The following PIK3C2G variants were observed in gnomAD, a reference collection of about 807,000 sequenced individuals.
PIK3C2G encodes phosphatidylinositol 3-kinase C2 domain-containing subunit gamma.
PIK3C2G carries 168 observed loss-of-function variants against 181.1 expected under a neutral mutation model. That is an observed-to-expected ratio of 0.93 (90% confidence interval 0.82 to 1.05). The LOEUF is 1.05. PIK3C2G is among the 50% of genes least tolerant of loss of function. The pLI is 0.00. For missense variants in PIK3C2G, 1,869 were observed against 1,732.8 expected (o/e 1.08, Z -1.40); for synonymous variants, 573 against 592.2 (o/e 0.97, Z 0.47).
intron 14 of PIK3C2G, among the ~76,000 whole-genome samples, chr12:18,389,670 A>T (rs1369470771): frequency 1.3e-5 from 2 of 152,214 alleles, no homozygotes; most frequent in African/African-American, 4.8e-5. Flanking sequence ...TAGAAAAGGC[A>T]ACTAGGAAAA....
Position 18,614,883 on chromosome 12 carries a change from T to C in PIK3C2G, c.4182+5254T>C, listed in dbSNP as rs113321164. On this transcript the variant is annotated intron_variant, in intron 31 of 32. Coordinates refer to ENST00000538779, the MANE Select transcript of PIK3C2G (RefSeq NM_001288772.2). Reference sequence around the variant, plus strand: ...TGCTTACCACTGAAACCATCTTTCATTCTGAATTACTTATTTCTATAAATT... The same window carrying C: ...TGCTTACCACTGAAACCATCTTTCACTCTGAATTACTTATTTCTATAAATT... Among the ~76,000 whole-genome samples the C allele has an allele frequency of 3.5e-3, 528 of 152,240 alleles. 1 individual carries two copies. Among genetic ancestry groups the C allele is most frequent in the African/African-American group, 0.011 (451 of 41,556 alleles).
intron 22 of PIK3C2G, among the ~76,000 whole-genome samples, chr12:18,498,567 A>AT (rs11390476): frequency 0.37 from 54,673 of 147,920 alleles, 9,884 homozygotes; most frequent in South Asian, 0.43. Context: ...CCATGTAGTC[A>AT]TTTTTTTTTT....
At chr12:18,407,320 A>G (rs1273488566) in intron 16 of PIK3C2G, among the ~76,000 whole-genome samples, 1 of 152,156 alleles carries the variant, frequency 6.6e-6, no homozygotes, top group African/African-American at 2.4e-5. Flanking sequence ...ATAATATTTT[A>G]TAATTGAAGG....
intron 5 of PIK3C2G, among the ~76,000 whole-genome samples, chr12:18,305,123 A>C (rs1020973250): frequency 3.9e-5 from 6 of 152,176 alleles, no homozygotes; most frequent in Non-Finnish European, 1.5e-5. Flanking sequence ...CATCTTCAGT[A>C]AATAGCTAAT....
At chr12:18,565,784 A>G (rs7296635) in intron 28 of PIK3C2G, among the ~76,000 whole-genome samples, 12,803 of 152,220 alleles carry the variant, frequency 0.084, 1,360 homozygotes, top group African/African-American at 0.25. Flanking sequence ...TATTAACAAA[A>G]TAGCAGAATT....
chr12:18,399,825 G>T lies in PIK3C2G; in HGVS notation c.2293G>T (p.Ala765Ser), dbSNP rs758616836. Residue 765 changes from alanine (A) to serine (S), a missense_variant, in exon 16 of 33, where the codon GCT becomes TCT. By Grantham distance (99) the Ala-to-Ser change is moderately conservative. Coordinates refer to ENST00000538779, the MANE Select transcript of PIK3C2G (RefSeq NM_001288772.2). ...ATGGACATTTTCTCAACCTTTAGAG[G>T]CTCTTGGGCTTTTGACTTCCAGGTA... ...RRWTFSQPLE[A>S]LGLLTSSFPD... 2.5e-6 allele frequency: 4 copies of T among 1,583,302 alleles called. No individual in the cohort carries two copies. Among genetic ancestry groups the T allele is most frequent in the African/African-American group, 2.7e-5 (2 of 74,406 alleles).
intron 26 of PIK3C2G, among the ~76,000 whole-genome samples, chr12:18,549,775 A>G (rs1014243241): frequency 1.3e-5 from 2 of 151,992 alleles, no homozygotes; most frequent in African/African-American, 4.8e-5. Context: ...TGCTATCTCT[A>G]TGCTACCACC....
At chr12:18,633,911 A>C (rs950371259) in intron 31 of PIK3C2G, among the ~76,000 whole-genome samples, 1 of 152,094 alleles carries the variant, frequency 6.6e-6, no homozygotes, top group Non-Finnish European at 1.5e-5. Flanking sequence ...GGAAACAAAA[A>C]TTTGCTTGTT....
chr12:18,417,277 C>G (rs904016328), intron 16 of PIK3C2G, among the ~76,000 whole-genome samples: 1 of 152,116 alleles, frequency 6.6e-6, no homozygotes, highest in Non-Finnish European at 1.5e-5. Context: ...ATAGAATTTA[C>G]TCCTGGTGAA....
At chr12:18,326,664 G>T (rs1415162702) in intron 8 of PIK3C2G, among the ~76,000 whole-genome samples, 3 of 152,226 alleles carry the variant, frequency 2.0e-5, no homozygotes, top group African/African-American at 4.8e-5. Flanking sequence ...AATGTGAAAA[G>T]AATCCACAAT....
Position 18,418,907 on chromosome 12 carries a change from T to C in PIK3C2G, c.2316-2034T>C, listed in dbSNP as rs188948817. On this transcript the variant is annotated intron_variant, in intron 16 of 32. Coordinates refer to ENST00000538779, the MANE Select transcript of PIK3C2G (RefSeq NM_001288772.2). ...AATTGATGCTTGAGCTTGGAGTTCA[T>C]GGATGAATAGAATTCCATCAGATGG... Among the ~76,000 whole-genome samples, 20 of 152,232 alleles carry C rather than the reference T, an allele frequency of 1.3e-4. 1 individual carries two copies. Among genetic ancestry groups the C allele is most frequent in the South Asian group, 8.3e-4 (4 of 4,816 alleles).
At chr12:18,469,740 G>A (rs1938267879) in intron 18 of PIK3C2G, among the ~76,000 whole-genome samples, 1 of 147,378 alleles carries the variant, frequency 6.8e-6, no homozygotes, top group Non-Finnish European at 1.5e-5. Flanking sequence ...CTCCACAAAA[G>A]ATGAATGTAT....
At chr12:18,529,391 G>A (rs115699411) in intron 24 of PIK3C2G, among the ~76,000 whole-genome samples, 1,676 of 152,158 alleles carry the variant, frequency 0.011, 34 homozygotes, top group African/African-American at 0.038. Context: ...TTAAGCTCAT[G>A]TAAGTTAAAC....
At chr12:18,634,768 T>G (rs990204437) in intron 31 of PIK3C2G, among the ~76,000 whole-genome samples, 4 of 152,166 alleles carry the variant, frequency 2.6e-5, no homozygotes, top group African/African-American at 9.7e-5. Flanking sequence ...AAGAGGCTAA[T>G]GAGTATCCAC....
At chr12:18,432,611 CA>C (rs953001536) in intron 18 of PIK3C2G, among the ~76,000 whole-genome samples, 1 of 152,088 alleles carries the variant, frequency 6.6e-6, no homozygotes, top group African/African-American at 2.4e-5. Flanking sequence ...CTCTAGCCAA[CA>C]AAAAATATGG....
the PIK3C2G span, among the ~76,000 whole-genome samples, chr12:18,666,077 A>G: frequency 6.6e-6 from 1 of 152,070 alleles, no homozygotes; most frequent in East Asian, 1.9e-4. Flanking sequence ...CTCCAGGTAA[A>G]CCATTAAGAA....
chr12:18,688,026 T>C, the PIK3C2G span: 2 of 1,585,698 alleles, frequency 1.3e-6, no homozygotes, highest in East Asian at 4.5e-5. Flanking sequence ...TATCAACATA[T>C]AATTTGTAAG....
At chr12:18,581,385 C>A (rs1361581476) in intron 29 of PIK3C2G, among the ~76,000 whole-genome samples, 1 of 152,144 alleles carries the variant, frequency 6.6e-6, no homozygotes. Context: ...TTAGCTGAGT[C>A]ATTGATACCA....
At chr12:18,566,706 A>T (rs1054252433) in intron 28 of PIK3C2G, among the ~76,000 whole-genome samples, 2 of 152,204 alleles carry the variant, frequency 1.3e-5, no homozygotes, top group African/African-American at 2.4e-5. Context: ...AAGAAGGGAC[A>T]TATAAATGAA....
Sources: allele counts gnomAD v4.1 joint callset (sites outside exome capture counted in the v4.1 genomes callset), GRCh38; gene constraint gnomAD v4.1.1; transcripts MANE v1.5; gene names NCBI Gene and HGNC (gene_info 2026-07-23, HGNC 2026-07-21).